Variants in SUSD4 observed in about 807,000 individuals in gnomAD.
SUSD4 encodes sushi domain containing 4.
In SUSD4, 41 loss-of-function variants were observed where a neutral mutation model predicts 50.5. The observed-to-expected ratio is 0.81, with a 90% CI of 0.63 to 1.05. The LOEUF is 1.05. Ranked by LOEUF, SUSD4 falls within the 50% of genes least tolerant of loss-of-function variation. SUSD4 has a pLI of 0.00. For synonymous variants in SUSD4, 257 were observed against 257.3 expected (o/e 1.00, Z 0.01); for missense variants, 580 against 634.7 (o/e 0.91, Z 0.93).
At chr1:223,304,784 T>G (rs1572019649) in intron 2 of SUSD4, among the ~76,000 whole-genome samples, 1 of 121,432 alleles carries the variant, frequency 8.2e-6, no homozygotes, top group Non-Finnish European at 1.7e-5. Context: ...TCTCTGTGTC[T>G]CAGGTTTCCA....
intron 5 of SUSD4, among the ~76,000 whole-genome samples, chr1:223,243,570 G>A (rs1660729519): frequency 6.6e-6 from 1 of 152,256 alleles, no homozygotes; most frequent in Non-Finnish European, 1.5e-5. Context: ...ATTTGGGGGT[G>A]TCAGCCGCAG....
intron 5 of SUSD4, among the ~76,000 whole-genome samples, chr1:223,240,615 T>C (rs1660514762): frequency 6.6e-6 from 1 of 152,224 alleles, no homozygotes; most frequent in Non-Finnish European, 1.5e-5. Context: ...TCCATCACAG[T>C]GTTTTTGATA....
intron 2 of SUSD4, among the ~76,000 whole-genome samples, chr1:223,359,783 AC>A (rs1355067686): frequency 2.4e-4 from 36 of 152,198 alleles, no homozygotes. Flanking sequence ...TAAGGGAAGA[AC>A]TTACTGACTA....
intron 2 of SUSD4, among the ~76,000 whole-genome samples, chr1:223,356,235 G>A (rs1032277137): frequency 6.6e-6 from 1 of 151,612 alleles, no homozygotes; most frequent in Non-Finnish European, 1.5e-5. Flanking sequence ...CTTGAGAGAA[G>A]AAGAAATATT....
At chr1:223,249,059 C>G (rs900323926) in intron 5 of SUSD4, among the ~76,000 whole-genome samples, 1 of 152,126 alleles carries the variant, frequency 6.6e-6, no homozygotes, top group Non-Finnish European at 1.5e-5. Context: ...TTGATAGGAG[C>G]CACAGTGGCT....
At chr1:223,301,622 T>C (rs897586106) in intron 2 of SUSD4, among the ~76,000 whole-genome samples, 10 of 152,182 alleles carry the variant, frequency 6.6e-5, no homozygotes, top group Non-Finnish European at 1.0e-4. Flanking sequence ...AGCCTTTTTC[T>C]CATCACCAGC....
chr1:223,228,344 ACT>A (rs1194962141), intron 6 of SUSD4, among the ~76,000 whole-genome samples: 1 of 151,430 alleles, frequency 6.6e-6, no homozygotes, highest in Non-Finnish European at 1.5e-5. Context: ...CCTCTTAGAC[ACT>A]CTCTTTGCAC....
chr1:223,324,132 C>CA (rs1666740873), intron 2 of SUSD4, among the ~76,000 whole-genome samples: 1 of 147,882 alleles, frequency 6.8e-6, no homozygotes, highest in African/African-American at 2.5e-5. Flanking sequence ...CTCCACATCC[C>CA]ATTGTAATTC....
chr1:223,342,108 C>T (rs1461990063), intron 2 of SUSD4, among the ~76,000 whole-genome samples: 1 of 152,104 alleles, frequency 6.6e-6, no homozygotes, highest in Non-Finnish European at 1.5e-5. Context: ...TGGACCACAG[C>T]CACAGTGAAA....
At chr1:223,264,293 G>T (rs1349148525) in intron 5 of SUSD4, 1 of 1,024,536 alleles carries the variant, frequency 9.8e-7, no homozygotes, top group East Asian at 8.9e-5. Context: ...TAAGATTAAT[G>T]ACATGATACA....
chr1:223,237,436 G>A (rs960370345), intron 5 of SUSD4, among the ~76,000 whole-genome samples: 7 of 152,058 alleles, frequency 4.6e-5, no homozygotes, highest in East Asian at 3.9e-4. Flanking sequence ...CTGATCTTAC[G>A]GGAAAACTTC....
chr1:223,279,759 G>A (rs1169233811), intron 3 of SUSD4, among the ~76,000 whole-genome samples: 2 of 152,164 alleles, frequency 1.3e-5, no homozygotes, highest in Non-Finnish European at 2.9e-5. Context: ...TACTCCTCGA[G>A]AAGAGCAACT....
At chr1:223,309,589 G>C (rs1279471108) in intron 2 of SUSD4, among the ~76,000 whole-genome samples, 4 of 152,126 alleles carry the variant, frequency 2.6e-5, no homozygotes, top group Non-Finnish European at 5.9e-5. Flanking sequence ...CAAGATGCTG[G>C]CTAGATTATA....
intron 5 of SUSD4, among the ~76,000 whole-genome samples, chr1:223,232,445 A>G (rs1051102447): frequency 6.6e-6 from 1 of 152,244 alleles, no homozygotes; most frequent in African/African-American, 2.4e-5. Flanking sequence ...CAGAGCAGGA[A>G]GGCACTTCTC....
chr1:223,280,342 A>G (rs1380087500), intron 3 of SUSD4, among the ~76,000 whole-genome samples: 1 of 152,208 alleles, frequency 6.6e-6, no homozygotes, highest in African/African-American at 2.4e-5. Context: ...CAGGAGACCC[A>G]TCTCACGTGC....
At chr1:223,347,489 T>C (rs950368269) in intron 2 of SUSD4, among the ~76,000 whole-genome samples, 10 of 152,160 alleles carry the variant, frequency 6.6e-5, no homozygotes, top group South Asian at 2.1e-4. Flanking sequence ...CCTCTGATTA[T>C]GTGCCCAACA....
At chr1:223,310,999 C>A (rs1476312735) in intron 2 of SUSD4, among the ~76,000 whole-genome samples, 1 of 152,192 alleles carries the variant, frequency 6.6e-6, no homozygotes, top group East Asian at 1.9e-4. Flanking sequence ...CTCTGAGATG[C>A]CCAAGACTCT....
intron 2 of SUSD4, among the ~76,000 whole-genome samples, chr1:223,328,730 C>T (rs866046008): frequency 6.6e-6 from 1 of 152,178 alleles, no homozygotes; most frequent in Non-Finnish European, 1.5e-5. Context: ...TACTACCAGA[C>T]CCATGTGTCA....
chr1:223,246,553 G>A (rs1435447545), intron 5 of SUSD4, among the ~76,000 whole-genome samples: 1 of 151,994 alleles, frequency 6.6e-6, no homozygotes, highest in Non-Finnish European at 1.5e-5. Context: ...ATCCAGGCAG[G>A]AGGGCAGTCA....
Sources: allele counts gnomAD v4.1 joint callset (sites outside exome capture counted in the v4.1 genomes callset), GRCh38; gene constraint gnomAD v4.1.1; transcripts MANE v1.5; gene names NCBI Gene and HGNC (gene_info 2026-07-23, HGNC 2026-07-21).